MRTFA: variants seen among roughly 807,000 people sequenced by gnomAD.
MRTFA encodes the protein myocardin related transcription factor A.
MRTFA carries 20 observed loss-of-function variants against 83.5 expected under a neutral mutation model. The ratio of observed to expected loss-of-function variants is 0.24; its 90% confidence interval spans 0.17 to 0.35. The LOEUF is 0.35. Ranked by LOEUF, MRTFA falls within the 10% of genes least tolerant of loss-of-function variation. The pLI is 1.00. For missense variants in MRTFA, 1,200 were observed against 1,224.7 expected (o/e 0.98, Z 0.30); for synonymous variants, 659 against 541.2 (o/e 1.22, Z -3.02).
intron 7 of MRTFA, among the ~76,000 whole-genome samples, chr22:40,428,195 G>A (rs1234354598): frequency 6.6e-6 from 1 of 152,202 alleles, no homozygotes; most frequent in African/African-American, 2.4e-5. Context: ...AAAAGCAAAT[G>A]TAAAATAACC....
chr22:40,516,972 GAGTGC>G (rs2054771979), intron 3 of MRTFA, among the ~76,000 whole-genome samples: 1 of 151,862 alleles, frequency 6.6e-6, no homozygotes, highest in South Asian at 2.1e-4. Context: ...ACCCAGGCTG[GAGTGC>G]AGTGGTGCAA....
chr22:40,559,930 T>G (rs1011092893), intron 2 of MRTFA, among the ~76,000 whole-genome samples: 19 of 152,220 alleles, frequency 1.2e-4, no homozygotes, highest in African/African-American at 4.6e-4. Flanking sequence ...ACAGAATTAT[T>G]AAGGGCTTAA....
intron 9 of MRTFA, 55 bp downstream of exon 9, chr22:40,423,481 C>G: frequency 7.2e-7 from 1 of 1,384,422 alleles, no homozygotes. Flanking sequence ...GAAGTCACAG[C>G]AGGACTCCAA....
At chr22:40,587,187 G>T in intron 2 of MRTFA, 1 of 459,128 alleles carries the variant, frequency 2.2e-6, no homozygotes. Context: ...AAAGATTGCA[G>T]TTACTCTTGA....
At chr22:40,457,037 A>G (rs1419988164) in intron 4 of MRTFA, among the ~76,000 whole-genome samples, 1 of 152,230 alleles carries the variant, frequency 6.6e-6, no homozygotes, top group African/African-American at 2.4e-5. Context: ...ATGTAAGTTA[A>G]CGATTCCCAA....
At chr22:40,437,871 T>C (rs758461642) in intron 4 of MRTFA, among the ~76,000 whole-genome samples, 13 of 152,154 alleles carry the variant, frequency 8.5e-5, no homozygotes, top group Non-Finnish European at 1.8e-4. Context: ...GGGTTTTGTC[T>C]ATTTTTTTAG....
At chr22:40,630,065 C>T (rs146862202) in intron 1 of MRTFA, among the ~76,000 whole-genome samples, 590 of 151,860 alleles carry the variant, frequency 3.9e-3, no homozygotes, top group Non-Finnish European at 6.2e-3. Flanking sequence ...ATCATCCTAG[C>T]GCTTTGGGAG....
chr22:40,557,597 CCTGT>C (rs1026304153), intron 2 of MRTFA, among the ~76,000 whole-genome samples: 2 of 151,726 alleles, frequency 1.3e-5, no homozygotes, highest in African/African-American at 4.9e-5. Context: ...ATAGTAAGAC[CCTGT>C]CTCTTTTTTA....
At chr22:40,562,435 T>A (rs1370791587) in intron 2 of MRTFA, among the ~76,000 whole-genome samples, 1 of 150,142 alleles carries the variant, frequency 6.7e-6, no homozygotes, top group African/African-American at 2.5e-5. Flanking sequence ...GGCAGAATAA[T>A]CCCTAAGCTA....
chr22:40,421,022 G>C lies in MRTFA; in HGVS notation c.1006C>G (p.Leu336Val), dbSNP rs2052826659. The change falls in exon 10 of 15, where the codon CTC becomes GTC. Residue 336 changes from leucine to valine, a missense_variant. Physicochemically the swap from Leu to Val is conservative, Grantham distance 32 (BLOSUM62 1). Coordinates refer to ENST00000355630, the MANE Select transcript of MRTFA (RefSeq NM_020831.6). ...GGGGGGATGTACTGGTGGTACTTGAGCTTCTTCACCTTTGGCTTCAGCTCC... is the reference window on the plus strand; with the variant it reads ...GGGGGGATGTACTGGTGGTACTTGACCTTCTTCACCTTTGGCTTCAGCTCC... The C allele has an allele frequency of 6.3e-7, 1 of 1,591,710 alleles. No homozygotes were observed. The highest frequency in any genetic ancestry group is 1.7e-5 in the Admixed American group (1 of 57,970).
chr22:40,568,811 C>T (rs1171366570), intron 2 of MRTFA, among the ~76,000 whole-genome samples: 1 of 152,160 alleles, frequency 6.6e-6, no homozygotes, highest in Non-Finnish European at 1.5e-5. Flanking sequence ...GCAGTCAGTG[C>T]TGTACATTTT....
chr22:40,485,694 A>G (rs1041712660), intron 3 of MRTFA, among the ~76,000 whole-genome samples: 2 of 152,200 alleles, frequency 1.3e-5, no homozygotes. Context: ...GTGGGTCTCA[A>G]TGAAGACATG....
intron 1 of MRTFA, among the ~76,000 whole-genome samples, chr22:40,634,425 T>C (rs1409767914): frequency 6.6e-6 from 1 of 152,234 alleles, no homozygotes. Context: ...GTTATTTCTC[T>C]TTGGAATTTC....
intron 3 of MRTFA, among the ~76,000 whole-genome samples, chr22:40,476,015 G>C (rs1423344139): frequency 6.6e-6 from 1 of 151,820 alleles, no homozygotes; most frequent in East Asian, 1.9e-4. Flanking sequence ...GTGGTGGCGG[G>C]TGCCTGTAGT....
intron 3 of MRTFA, among the ~76,000 whole-genome samples, chr22:40,493,258 C>T (rs142196165): frequency 5.1e-4 from 78 of 152,370 alleles, no homozygotes; most frequent in African/African-American, 1.8e-3. Context: ...GACAGCACAG[C>T]TGGAACCAGA....
chr22:40,471,165 T>G (rs55867931), intron 3 of MRTFA, among the ~76,000 whole-genome samples: 2,844 of 140,782 alleles, frequency 0.02, 83 homozygotes, highest in African/African-American at 0.07. Flanking sequence ...GTGGACCACC[T>G]GAGGTCAGGA....
chr22:40,465,191 T>G (rs1277458553), intron 3 of MRTFA, among the ~76,000 whole-genome samples: 2 of 152,218 alleles, frequency 1.3e-5, no homozygotes, highest in Non-Finnish European at 2.9e-5. Flanking sequence ...TATTTTGCCT[T>G]GTGTAATAGT....
At chr22:40,503,685 G>A (rs549156691) in intron 3 of MRTFA, among the ~76,000 whole-genome samples, 130 of 152,254 alleles carry the variant, frequency 8.5e-4, no homozygotes, top group African/African-American at 3.0e-3. Context: ...CCAACACTTT[G>A]GGAGGCCAAG....
At chr22:40,564,203 G>A (rs1602435753) in intron 2 of MRTFA, among the ~76,000 whole-genome samples, 1 of 152,226 alleles carries the variant, frequency 6.6e-6, no homozygotes, top group South Asian at 2.1e-4. Flanking sequence ...ATAGAAATAG[G>A]GAAAAGAGGA....
Sources: gnomAD v4.1 joint callset for allele counts (sites outside exome capture counted in the v4.1 genomes callset) on GRCh38, gnomAD v4.1.1 for gene constraint, MANE v1.5 for transcripts, NCBI Gene and HGNC (gene_info 2026-07-23, HGNC 2026-07-21) for gene names.